PTCHD4: variants seen among roughly 807,000 people sequenced by gnomAD.
PTCHD4 encodes the protein patched domain-containing protein 4.
Under a neutral mutation model 58.1 loss-of-function variants are expected in PTCHD4, and 33 were observed. That is an observed-to-expected ratio of 0.57 (90% CI 0.43 to 0.76). The LOEUF is 0.76. PTCHD4 is among the 30% of genes least tolerant of loss of function. The pLI, the probability that PTCHD4 is intolerant of heterozygous loss-of-function variation, is 0.00. For missense variants in PTCHD4, 1,058 were observed against 1,027.1 expected (o/e 1.03, Z -0.41); for synonymous variants, 478 against 409.6 (o/e 1.17, Z -2.02).
chr6:47,954,088 G>T (rs943803939), intron 4 of PTCHD4, among the ~76,000 whole-genome samples: 1 of 152,122 alleles, frequency 6.6e-6, no homozygotes, highest in African/African-American at 2.4e-5. Flanking sequence ...TCAGTGCGGT[G>T]GCTCACACCT....
chr6:47,978,284 T>C (rs1245946750), intron 4 of PTCHD4, among the ~76,000 whole-genome samples: 1 of 152,154 alleles, frequency 6.6e-6, no homozygotes, highest in African/African-American at 2.4e-5. Context: ...CTACTATTAC[T>C]GCTACTCACA....
chr6:48,097,474 G>T (rs1765498086), intron 1 of PTCHD4, among the ~76,000 whole-genome samples: 1 of 152,088 alleles, frequency 6.6e-6, no homozygotes, highest in Non-Finnish European at 1.5e-5. Context: ...CAAATCTAAA[G>T]AATTCCAAGT....
intron 3 of PTCHD4, among the ~76,000 whole-genome samples, chr6:48,020,081 C>T (rs1763011847): frequency 6.6e-6 from 1 of 152,034 alleles, no homozygotes; most frequent in South Asian, 2.1e-4. Context: ...CAGAGATGGA[C>T]ACTGGCAGTG....
At position 48,036,635 on chromosome 6, in the gene PTCHD4, A is replaced by G. The variant is rs1169007796; in HGVS notation, c.418-27521T>C. Among the ~76,000 whole-genome samples the G allele has an allele frequency of 1.3e-5, 2 of 152,130 alleles. 1 individual carries two copies. Among genetic ancestry groups the G allele is most frequent in the Non-Finnish European group, 2.9e-5 (2 of 68,014 alleles). On this transcript the variant is annotated intron_variant, in intron 3 of 4. Coordinates refer to ENST00000339488, the MANE Select transcript of PTCHD4 (RefSeq NM_001384253.1). ...CAGTACTTGTGTTCAAGGAACCGTT[A>G]CTTAATTATACCTCAAAACACAAGA...
intron 1 of PTCHD4, among the ~76,000 whole-genome samples, chr6:48,110,777 T>TTATATATATATATAAATATA (rs1323658662): frequency 7.1e-6 from 1 of 140,904 alleles, no homozygotes; most frequent in African/African-American, 2.5e-5. Flanking sequence ...CTTTTCTATT[T>TTATATATATATATAAATATA]TATATATATA....
At chr6:47,978,587 C>T (rs1182375249) in intron 4 of PTCHD4, among the ~76,000 whole-genome samples, 2 of 152,144 alleles carry the variant, frequency 1.3e-5, no homozygotes, top group African/African-American at 2.4e-5. Flanking sequence ...ATAAGAATTG[C>T]TATCAGTTAT....
chr6:48,010,211 A>G (rs918672051), intron 3 of PTCHD4, among the ~76,000 whole-genome samples: 7 of 152,184 alleles, frequency 4.6e-5, no homozygotes, highest in Admixed American at 6.5e-5. Flanking sequence ...GCACTAAGGT[A>G]TGTTTATGTC....
At chr6:48,038,034 G>A (rs772536264) in intron 3 of PTCHD4, among the ~76,000 whole-genome samples, 7 of 151,318 alleles carry the variant, frequency 4.6e-5, no homozygotes, top group Admixed American at 6.6e-5. Flanking sequence ...TGTCACTCTC[G>A]GTGGCTGACC....
intron 1 of PTCHD4, among the ~76,000 whole-genome samples, chr6:48,076,174 C>A (rs1765061657): frequency 6.6e-6 from 1 of 152,210 alleles, no homozygotes. Flanking sequence ...CTATAGGAAA[C>A]AACTCTTCAT....
chr6:48,085,189 T>C (rs1765239796), intron 1 of PTCHD4, among the ~76,000 whole-genome samples: 1 of 152,204 alleles, frequency 6.6e-6, no homozygotes, highest in South Asian at 2.1e-4. Context: ...TTCTGCAAAG[T>C]ACCTGCTGAT....
chr6:48,062,496 T>C (rs1764665582), intron 3 of PTCHD4, among the ~76,000 whole-genome samples: 1 of 152,036 alleles, frequency 6.6e-6, no homozygotes, highest in Non-Finnish European at 1.5e-5. Context: ...ATCCTTGACT[T>C]AGGAAAATAA....
chr6:47,923,143 G>C (rs1463336996), intron 4 of PTCHD4, among the ~76,000 whole-genome samples: 1 of 152,086 alleles, frequency 6.6e-6, no homozygotes, highest in Non-Finnish European at 1.5e-5. Context: ...TGACTCTTCT[G>C]TCAGTCATTA....
At chr6:47,929,644 A>G (rs752221357) in intron 4 of PTCHD4, among the ~76,000 whole-genome samples, 2 of 152,214 alleles carry the variant, frequency 1.3e-5, no homozygotes, top group Non-Finnish European at 2.9e-5. Context: ...TCCAGAGAGG[A>G]ACTCCAGGCT....
Position 48,069,660 on chromosome 6 carries a change from CTGTGTG to C in PTCHD4, c.-709_-704del, listed in dbSNP as rs1764936235. Among the ~76,000 whole-genome samples the C allele has an allele frequency of 6.8e-6, 1 of 147,906 alleles. No homozygotes were observed. The highest frequency in any genetic ancestry group is 2.5e-5 in the African/African-American group (1 of 39,498). ...GGAGGCATTTGCCAATAGCAGTAGCCTGTGTGCGTGTGCGTGTGCGTGTGTGTGTAT... is the reference window on the plus strand; with the variant it reads ...GGAGGCATTTGCCAATAGCAGTAGCCCGTGTGCGTGTGCGTGTGTGTGTAT... On this transcript the variant is annotated 5_prime_UTR_variant, in exon 2 of 5. Transcript: ENST00000339488.
intron 4 of PTCHD4, among the ~76,000 whole-genome samples, chr6:47,974,574 A>G (rs1433456165): frequency 1.3e-5 from 2 of 152,148 alleles, no homozygotes; most frequent in Non-Finnish European, 2.9e-5. Flanking sequence ...GTCTCTACCC[A>G]CCAGATGTCT....
rs761715585 is a variant in PTCHD4, at chr6:47,858,940, C to T, written c.*19363G>A. Among the ~76,000 whole-genome samples, 36 of 151,930 alleles carry T rather than the reference C, an allele frequency of 2.4e-4. No homozygotes were observed. Among genetic ancestry groups the T allele is most frequent in the Non-Finnish European group, 4.1e-4 (28 of 67,946 alleles). ...AGAACCAGTTAATGATCTTACAGAA[C>T]CTATGATTTAATTACAAGCATCTGT... On this transcript the variant is annotated 3_prime_UTR_variant, in exon 5 of 5. Coordinates refer to ENST00000339488, the MANE Select transcript of PTCHD4 (RefSeq NM_001384253.1).
intron 3 of PTCHD4, 97 bp from the exon 4 acceptor site, chr6:48,009,211 G>A: frequency 7.7e-7 from 1 of 1,298,290 alleles, no homozygotes; most frequent in Non-Finnish European, 1.0e-6. Context: ...GGCAGAGATA[G>A]GTGCTAGTAA....
intron 4 of PTCHD4, among the ~76,000 whole-genome samples, chr6:47,950,201 G>C (rs943431154): frequency 1.3e-5 from 2 of 152,070 alleles, no homozygotes; most frequent in Non-Finnish European, 2.9e-5. Context: ...CCCTACAAAG[G>C]ACATAAACTT....
intron 1 of PTCHD4, among the ~76,000 whole-genome samples, chr6:48,074,094 G>A (rs1354862289): frequency 1.3e-5 from 2 of 151,966 alleles, no homozygotes; most frequent in Non-Finnish European, 2.9e-5. Context: ...TCTGTGACGG[G>A]TTTAAGGAGT....
Sources: gnomAD v4.1 joint callset for allele counts (sites outside exome capture counted in the v4.1 genomes callset) on GRCh38, gnomAD v4.1.1 for gene constraint, MANE v1.5 for transcripts, NCBI Gene and HGNC (gene_info 2026-07-23, HGNC 2026-07-21) for gene names.